The following RBFOX1 variants were observed in gnomAD, a reference collection of about 807,000 sequenced individuals.
RBFOX1 encodes RNA binding fox-1 homolog 1.
Under a neutral mutation model 57.7 loss-of-function variants are expected in RBFOX1, and 8 were observed. The ratio of observed to expected loss-of-function variants is 0.14; its 90% CI spans 0.08 to 0.25. RBFOX1 has a LOEUF of 0.25. RBFOX1 is among the 10% of genes least tolerant of loss of function. The pLI is 1.00. For missense variants in RBFOX1, 611 were observed against 548.5 expected, an observed-to-expected ratio of 1.11 and a Z score of -1.14; for synonymous variants, 326 against 222.4, an observed-to-expected ratio of 1.47 and a Z score of -4.15.
At chr16:7,484,120 A>T (rs1314952266) in intron 4 of RBFOX1, among the ~76,000 whole-genome samples, 1 of 152,042 alleles carries the variant, frequency 6.6e-6, no homozygotes, top group Non-Finnish European at 1.5e-5. Context: ...CCTTTCCCTG[A>T]GCATAAAGTT....
At chr16:7,115,795 G>A (rs904062306) in intron 4 of RBFOX1, among the ~76,000 whole-genome samples, 5 of 152,228 alleles carry the variant, frequency 3.3e-5, no homozygotes, top group Non-Finnish European at 7.3e-5. Flanking sequence ...CCCCGAAGGG[G>A]AGGGAGTTAC....
At chr16:7,173,492 C>CTT (rs147286538) in intron 4 of RBFOX1, among the ~76,000 whole-genome samples, 3 of 150,248 alleles carry the variant, frequency 2.0e-5, no homozygotes, top group Non-Finnish European at 4.4e-5. Context: ...CCATTTGACA[C>CTT]TTTTTTTTTT....
intron 4 of RBFOX1, among the ~76,000 whole-genome samples, chr16:7,484,420 A>G (rs997615239): frequency 6.6e-6 from 1 of 152,162 alleles, no homozygotes; most frequent in Non-Finnish European, 1.5e-5. Context: ...TTGTTATCCA[A>G]AGTGGCTGTG....
chr16:5,731,814 A>G (rs1434486383), intron 3 of RBFOX1, among the ~76,000 whole-genome samples: 1 of 152,204 alleles, frequency 6.6e-6, no homozygotes, highest in Non-Finnish European at 1.5e-5. Context: ...ACAATTTTCC[A>G]GTGGTTTCTA....
chr16:5,474,237 G>C (rs1597212945), intron 2 of RBFOX1, among the ~76,000 whole-genome samples: 2 of 152,234 alleles, frequency 1.3e-5, no homozygotes. Flanking sequence ...TTAGGAACTT[G>C]TCACAACAGG....
intron 1 of RBFOX1, among the ~76,000 whole-genome samples, chr16:5,286,009 ATCT>A (rs1054340478): frequency 6.6e-6 from 1 of 152,108 alleles, no homozygotes; most frequent in Non-Finnish European, 1.5e-5. Flanking sequence ...TCACCTCGTG[ATCT>A]GCCCACATCG....
chr16:7,561,171 G>A (rs570734867), intron 5 of RBFOX1, among the ~76,000 whole-genome samples: 1 of 152,306 alleles, frequency 6.6e-6, no homozygotes, highest in East Asian at 1.9e-4. Context: ...GGGAATCCAT[G>A]GAGCTCAGAC....
chr16:6,134,051 C>T (rs866316487), intron 1 of RBFOX1, among the ~76,000 whole-genome samples: 32 of 152,070 alleles, frequency 2.1e-4, no homozygotes, highest in African/African-American at 7.0e-4. Context: ...ATTCTCCTGC[C>T]TCAGCCCCCC....
intron 4 of RBFOX1, among the ~76,000 whole-genome samples, chr16:5,943,033 G>A (rs1449628389): frequency 1.3e-5 from 2 of 152,286 alleles, no homozygotes; most frequent in South Asian, 2.1e-4. Context: ...AGTATGGGGG[G>A]CCATGACCCC....
chr16:7,064,161 C>CTTTT (rs869135535), intron 4 of RBFOX1, among the ~76,000 whole-genome samples: 8 of 96,822 alleles, frequency 8.3e-5, no homozygotes, highest in African/African-American at 1.3e-4. Context: ...GACTGGTGTT[C>CTTTT]TTTTTTTTTT....
At chr16:6,067,363 T>C (rs1167751892) in intron 1 of RBFOX1, among the ~76,000 whole-genome samples, 4 of 64,540 alleles carry the variant, frequency 6.2e-5, no homozygotes, top group African/African-American at 2.9e-4. Context: ...CAGAAGTGAA[T>C]AGAGGCAAAA....
chr16:7,702,240 T>G (rs1309440471), intron 14 of RBFOX1, among the ~76,000 whole-genome samples: 1 of 152,226 alleles, frequency 6.6e-6, no homozygotes, highest in Non-Finnish European at 1.5e-5. Context: ...ATTTCAGAGA[T>G]ATACTGAGGT....
chr16:6,737,446 A>C (rs374696457), intron 3 of RBFOX1, among the ~76,000 whole-genome samples: 2 of 152,228 alleles, frequency 1.3e-5, no homozygotes, highest in African/African-American at 4.8e-5. Context: ...CAAATATTTG[A>C]AAGTTAAAAA....
chr16:6,086,115 C>A (rs1186003578), intron 1 of RBFOX1, among the ~76,000 whole-genome samples: 1 of 152,132 alleles, frequency 6.6e-6, no homozygotes, highest in Non-Finnish European at 1.5e-5. Context: ...AGGACGGTGG[C>A]TCCCAGCTTC....
chr16:6,659,985 C>G (rs1418521819), intron 3 of RBFOX1, among the ~76,000 whole-genome samples: 1 of 152,038 alleles, frequency 6.6e-6, no homozygotes. Context: ...AATCCCAGCA[C>G]TTTTGGAGGG....
At chr16:6,616,036 G>C (rs1391109000) in intron 2 of RBFOX1, among the ~76,000 whole-genome samples, 2 of 152,128 alleles carry the variant, frequency 1.3e-5, no homozygotes, top group South Asian at 2.1e-4. Flanking sequence ...CCAGTTTTGC[G>C]TTTAGGAAAG....
chr16:6,394,232 T>C (rs2092724704), intron 2 of RBFOX1, among the ~76,000 whole-genome samples: 1 of 152,200 alleles, frequency 6.6e-6, no homozygotes, highest in African/African-American at 2.4e-5. Flanking sequence ...CTTAATTTCA[T>C]AGTGTTTGTT....
At chr16:7,501,644 A>G (rs2070906088) in intron 4 of RBFOX1, among the ~76,000 whole-genome samples, 2 of 152,194 alleles carry the variant, frequency 1.3e-5, no homozygotes, top group Admixed American at 1.3e-4. Flanking sequence ...AGACTATCAG[A>G]TATTCTGTCC....
At chr16:5,544,948 ATTCTTTTTTTTTTTTTTTTTTT>A (rs2045123455) in intron 2 of RBFOX1, among the ~76,000 whole-genome samples, 1 of 112,712 alleles carries the variant, frequency 8.9e-6, no homozygotes, top group African/African-American at 3.9e-5. Context: ...TTACTATTAC[ATTCTTTTTTTTTTTTTTTTTTT>A]TTTTTTTTTT....
Sources: gnomAD v4.1 joint callset for allele counts (sites outside exome capture counted in the v4.1 genomes callset) on GRCh38, gnomAD v4.1.1 for gene constraint, MANE v1.5 for transcripts, NCBI Gene and HGNC (gene_info 2026-07-23, HGNC 2026-07-21) for gene names.